Variants in MEIOSIN observed in about 807,000 individuals in gnomAD.
MEIOSIN encodes meiosis initiator, also known as meiosis initiator protein.
MEIOSIN carries 18 observed loss-of-function variants against 23.4 expected under a neutral mutation model. That is an observed-to-expected ratio of 0.77 (90% CI 0.53 to 1.14). The LOEUF (loss-of-function observed/expected upper bound fraction) is 1.14. Ranked by LOEUF, MEIOSIN falls within the 50% of genes most tolerant of loss-of-function variation. MEIOSIN has a pLI of 0.00. For synonymous variants in MEIOSIN, 187 were observed against 100.6 expected (o/e 1.86, Z -5.14); for missense variants, 428 against 242.9 (o/e 1.76, Z -5.07).
At chr19:45,761,594 T>C (rs1008005048) in intron 11 of MEIOSIN, 85 bp from the exon 12 acceptor site, 6 of 633,264 alleles carry the variant, frequency 9.5e-6, no homozygotes, top group South Asian at 1.7e-5. Flanking sequence ...CTAATGCTCA[T>C]GTTATGTCCT....
chr19:45,762,258 C>A (rs1401882577), intron 13 of MEIOSIN, 75 bp downstream of exon 13: 8 of 403,214 alleles, frequency 2.0e-5, no homozygotes, highest in Non-Finnish European at 3.5e-5. Flanking sequence ...CCATGCCGCT[C>A]CTCACAACTG....
In MEIOSIN at chr19:45,764,188, C is replaced by T. The variant is rs987394817; in HGVS notation, c.*70C>T. ...GCGGCTCTTGCTGGAAGCCAGGACC[C>T]ATCGATGAACTTGTCCCTCCTGGGC... is the stretch of plus-strand genomic sequence containing the variant. On this transcript the variant is annotated 3_prime_UTR_variant, in exon 15 of 15. Coordinates refer to ENST00000457052, the MANE Select transcript of MEIOSIN (RefSeq NM_001310124.2). 9 of 398,492 alleles carry T rather than the reference C, an allele frequency of 2.3e-5. No individual in the cohort carries two copies. The highest frequency in any genetic ancestry group is 1.9e-4 in the African/African-American group (9 of 48,644). 24.7% of individuals were successfully genotyped at this position (398,492 alleles called of 1,614,324 possible).
At chr19:45,753,265 G>C (rs1211739817) in intron 5 of MEIOSIN, among the ~76,000 whole-genome samples, 2 of 152,180 alleles carry the variant, frequency 1.3e-5, no homozygotes, top group Non-Finnish European at 2.9e-5. Context: ...TAATGAGGAA[G>C]AATCGAGAGG....
chr19:45,761,781 A>G lies in MEIOSIN; in HGVS notation c.1348A>G (p.Lys450Glu). 1.4e-6 allele frequency: 1 copy of G among 692,194 alleles called. No homozygotes were observed. The highest frequency in any genetic ancestry group is 2.6e-6 in the Non-Finnish European group (1 of 380,886). 42.9% of individuals were successfully genotyped at this position (692,194 alleles called of 1,614,324 possible). Residue 450 changes from lysine (K) to glutamate (E), a missense_variant, in exon 12 of 15, where the codon AAG (lysine) becomes GAG (glutamate). Transcript: ENST00000457052. ...HCYLSLSGNS[K>E]APSSSSSSSS... Reference sequence around the variant, plus strand: ...CTACCTCTCGCTGAGCGGGAACAGCAAGGCGCCATCCAGCTCCAGCTCCAG... The same window carrying G: ...CTACCTCTCGCTGAGCGGGAACAGCGAGGCGCCATCCAGCTCCAGCTCCAG...
chr19:45,750,595 A>G (rs747127431), intron 4 of MEIOSIN, 80 bp from the exon 5 acceptor site: 37 of 411,328 alleles, frequency 9.0e-5, no homozygotes, highest in Non-Finnish European at 1.5e-4. Flanking sequence ...TCCTGACCTC[A>G]TGATCCGCCC....
chr19:45,735,482 C>T, intron 2 of MEIOSIN, 35 bp downstream of exon 2: 1 of 684,610 alleles, frequency 1.5e-6, no homozygotes, highest in Non-Finnish European at 2.7e-6. Flanking sequence ...ATAGCCCCAG[C>T]CACTCTCATT....
In MEIOSIN at chr19:45,733,500, C is replaced by A. The variant is rs1327670306; in HGVS notation, c.-167C>A. On this transcript the variant is annotated 5_prime_UTR_variant, in exon 1 of 15. Coordinates refer to ENST00000457052, the MANE Select transcript of MEIOSIN (RefSeq NM_001310124.2). The surrounding 1 kb of genome is among the most constrained non-coding windows in gnomAD (Gnocchi z 5.7). ...TCGCGCCGGGAGGATTCGCACCCAACCCCAAGCCCGGTTGGGAACGTGGTG... is the reference window on the plus strand; with the variant it reads ...TCGCGCCGGGAGGATTCGCACCCAAACCCAAGCCCGGTTGGGAACGTGGTG... 1 of 152,328 alleles carries A rather than the reference C, an allele frequency of 6.6e-6. No homozygotes were observed. Among genetic ancestry groups the A allele is most frequent in the Non-Finnish European group, 1.5e-5 (1 of 68,104 alleles). 9.4% of individuals were successfully genotyped at this position (152,328 alleles called of 1,614,324 possible). A position where few individuals can be genotyped will look rare whatever the true frequency, so the allele number is the denominator to read the frequency against.
intron 6 of MEIOSIN, 132 bp downstream of exon 6, chr19:45,753,920 G>A (rs1045026906): frequency 3.3e-6 from 2 of 597,424 alleles, no homozygotes; most frequent in African/African-American, 3.7e-5. Context: ...GCTCCTCCTT[G>A]TATTAGCACT....
At chr19:45,735,031 T>C (rs1027784746) in intron 1 of MEIOSIN, among the ~76,000 whole-genome samples, 3 of 151,738 alleles carry the variant, frequency 2.0e-5, no homozygotes, top group Non-Finnish European at 4.4e-5. Flanking sequence ...GTAGCTGGGA[T>C]TACAGTCGTG....
intron 5 of MEIOSIN, among the ~76,000 whole-genome samples, chr19:45,751,273 A>G (rs866724207): frequency 3.4e-4 from 2 of 5,964 alleles, no homozygotes; most frequent in South Asian, 0.02. Context: ...CTGTGTCTCA[A>G]ATAATAATAA....
rs750067209 is a variant in MEIOSIN, at chr19:45,761,827, CGGAGGA to C, written c.1395_1400del (p.Glu466_Asp467del). On this transcript the variant is annotated inframe_deletion, in exon 12 of 15. Transcript: ENST00000457052. ...TCCAGCTCCAGCTCCAGCTCCAGCT[CGGAGGA>C]CAGCGACTCGGAGCCCCTGTGGAAG... is the stretch of plus-strand genomic sequence containing the variant. 8.6e-6 allele frequency: 6 copies of C among 698,264 alleles called. No individual in the cohort carries two copies. Among genetic ancestry groups the C allele is most frequent in the South Asian group, 4.5e-5 (3 of 66,700 alleles). The allele number at this position is 698,264 out of a possible 1,614,324, so 43.3% of individuals were successfully genotyped here. A position where few individuals can be genotyped will look rare whatever the true frequency, so the allele number is the denominator to read the frequency against.
intron 4 of MEIOSIN, among the ~76,000 whole-genome samples, chr19:45,750,174 G>T (rs1968672673): frequency 7.1e-6 from 1 of 141,800 alleles, no homozygotes; most frequent in Non-Finnish European, 1.5e-5. Context: ...TTCTTGTTCT[G>T]CTATCTAGCC....
At chr19:45,744,136 C>T (rs1010472120) in intron 3 of MEIOSIN, among the ~76,000 whole-genome samples, 3 of 151,728 alleles carry the variant, frequency 2.0e-5, no homozygotes, top group Non-Finnish European at 4.4e-5. Flanking sequence ...AAGCAATTCT[C>T]GTGCCTCAGC....
intron 1 of MEIOSIN, among the ~76,000 whole-genome samples, chr19:45,734,501 G>C (rs1240725120): frequency 2.0e-5 from 3 of 151,902 alleles, no homozygotes; most frequent in Admixed American, 6.6e-5. Flanking sequence ...GGTTTGGGAG[G>C]GCTCCTTTTT....
chr19:45,741,009 T>C (rs1009043290), intron 3 of MEIOSIN, among the ~76,000 whole-genome samples: 1 of 151,980 alleles, frequency 6.6e-6, no homozygotes, highest in East Asian at 1.9e-4. Context: ...CATTATGGCT[T>C]CTGTGGGCCC....
intron 11 of MEIOSIN, among the ~76,000 whole-genome samples, chr19:45,759,786 C>G (rs915277419): frequency 2.3e-5 from 2 of 86,350 alleles, no homozygotes; most frequent in African/African-American, 1.0e-4. Context: ...TCATTTTATT[C>G]ATTTATTTTA....
At chr19:45,762,411 A>G (rs1968965181) in intron 13 of MEIOSIN, among the ~76,000 whole-genome samples, 1 of 152,082 alleles carries the variant, frequency 6.6e-6, no homozygotes, top group African/African-American at 2.4e-5. Flanking sequence ...AGACTTCAGA[A>G]AAAAAGGAGT....
In MEIOSIN at chr19:45,744,896, T is replaced by G. The variant is rs187429441; in HGVS notation, c.177-296T>G. Among the ~76,000 whole-genome samples, 12 of 152,248 alleles carry G rather than the reference T, an allele frequency of 7.9e-5. No homozygotes were observed. In the East Asian group the frequency reaches 2.3e-3, roughly 29 times the overall value. ...CCCTGACTCTAGCAGACAGTAGGGA[T>G]GGAAGAGGCCAAATGGCAGGGTTGA... On this transcript the variant is annotated intron_variant, in intron 3 of 14. Coordinates refer to ENST00000457052, the MANE Select transcript of MEIOSIN (RefSeq NM_001310124.2).
rs1387702388 is a variant in MEIOSIN at position 45,761,718 on chromosome 19, C to T, written c.1285C>T (p.His429Tyr). 4 of 702,930 alleles carry T rather than the reference C, an allele frequency of 5.7e-6. No individual in the cohort carries two copies. Among genetic ancestry groups the T allele is most frequent in the Admixed American group, 2.0e-5 (1 of 49,992 alleles). 43.5% of individuals were successfully genotyped at this position (702,930 alleles called of 1,614,324 possible). The change falls in exon 12 of 15, where the codon CAC becomes TAC. Residue 429 changes from histidine (H) to tyrosine (Y), a missense_variant. Transcript: ENST00000457052. ...GGCCCCCAAAGACCCTCCTGAGTCC[C>T]ACAGCCTGCACCGGTCCTCAGTCTC... Reference protein sequence around the residue: ...SKAPKDPPESHSLHRSSVSLD... With the variant: ...SKAPKDPPESYSLHRSSVSLD...
Sources: gnomAD v4.1 joint callset for allele counts (sites outside exome capture counted in the v4.1 genomes callset) on GRCh38, gnomAD v4.1.1 for gene constraint, Gnocchi (gnomAD v3.1) non-coding constraint, MANE v1.5 for transcripts, NCBI Gene and HGNC (gene_info 2026-07-23, HGNC 2026-07-21) for gene names.